SFSWAP: variants seen among roughly 807,000 people sequenced by gnomAD.
The protein encoded by SFSWAP is splicing factor, suppressor of white-apricot homolog.
In SFSWAP, 17 loss-of-function variants were observed where a neutral mutation model predicts 100.7. The ratio of observed to expected loss-of-function variants is 0.17; its 90% confidence interval spans 0.12 to 0.25. The LOEUF is 0.25. Ranked by LOEUF, SFSWAP falls within the 10% of genes least tolerant of loss-of-function variation. SFSWAP has a pLI of 1.00. For missense variants in SFSWAP, 1,005 were observed against 1,262.6 expected, an observed-to-expected ratio of 0.80 and a Z score of 3.09; for synonymous variants, 504 against 510.1, an observed-to-expected ratio of 0.99 and a Z score of 0.16.
At chr12:131,759,448 T>C (rs1272024299) in intron 11 of SFSWAP, among the ~76,000 whole-genome samples, 1 of 152,188 alleles carries the variant, frequency 6.6e-6, no homozygotes, top group Non-Finnish European at 1.5e-5. Flanking sequence ...TGGCAATCTG[T>C]AGACCACGAT....
At chr12:131,746,703 C>T (rs1881132883) in intron 7 of SFSWAP, among the ~76,000 whole-genome samples, 1 of 152,176 alleles carries the variant, frequency 6.6e-6, no homozygotes, top group South Asian at 2.1e-4. Context: ...TTTGCCTTCC[C>T]ATTTGACAGG....
intron 4 of SFSWAP, among the ~76,000 whole-genome samples, chr12:131,719,981 T>G (rs1878318562): frequency 6.6e-6 from 1 of 152,218 alleles, no homozygotes; most frequent in South Asian, 2.1e-4. Flanking sequence ...AGCAGTTTTC[T>G]GTGTTGTGAT....
intron 7 of SFSWAP, among the ~76,000 whole-genome samples, chr12:131,752,053 A>T (rs1011015233): frequency 3.3e-5 from 5 of 152,242 alleles, no homozygotes; most frequent in Non-Finnish European, 7.3e-5. Context: ...ATATGCCTAC[A>T]GCACATAGGA....
intron 7 of SFSWAP, among the ~76,000 whole-genome samples, chr12:131,741,202 G>A (rs1195583200): frequency 2.6e-5 from 4 of 151,878 alleles, no homozygotes; most frequent in East Asian, 1.9e-4. Context: ...TCCTGACCTC[G>A]TGATCCACCT....
chr12:131,737,031 T>C (rs1880094616), intron 7 of SFSWAP, among the ~76,000 whole-genome samples: 1 of 152,160 alleles, frequency 6.6e-6, no homozygotes, highest in African/African-American at 2.4e-5. Context: ...GCCACATAGA[T>C]ACTCATCATA....
At position 131,711,423 on chromosome 12, in the gene SFSWAP, G is replaced by C; in HGVS notation, c.194G>C (p.Gly65Ala). 1 of 1,613,514 alleles carries C rather than the reference G, an allele frequency of 6.2e-7. No individual in the cohort carries two copies. The highest frequency in any genetic ancestry group is 8.5e-7 in the Non-Finnish European group (1 of 1,179,972). The change falls in exon 1 of 18, where the codon GGG becomes GCG. Residue 65 changes from glycine (G) to alanine (A), a missense_variant. Physicochemically the swap from Gly to Ala is moderately conservative, Grantham distance 60. Coordinates refer to ENST00000261674, the MANE Select transcript of SFSWAP (RefSeq NM_004592.4). This position sits in a 1 kb window ranked among gnomAD's most constrained non-coding sequence, Gnocchi z 4.9. ...GGACAGCACCTCATCCCCTGGATGG[G>C]GGACCACAAGATCCTCATCGACAGG... ...EQGQHLIPWM[G>A]DHKILIDRYD...
chr12:131,739,838 C>T (rs1880434713), intron 7 of SFSWAP, among the ~76,000 whole-genome samples: 1 of 152,046 alleles, frequency 6.6e-6, no homozygotes, highest in South Asian at 2.1e-4. Flanking sequence ...CCACTGCGCC[C>T]AGCCCCCAGT....
rs759971909 is a variant in SFSWAP at position 131,714,282 on chromosome 12, A to C, written c.388+42A>C. On this transcript the variant is annotated intron_variant, in intron 2 of 17. Coordinates refer to ENST00000261674, the MANE Select transcript of SFSWAP (RefSeq NM_004592.4). This position sits in a 1 kb window ranked among gnomAD's most constrained non-coding sequence, Gnocchi z 6.0. Reference sequence around the variant, plus strand: ...ACTTACTTCAGCAACAAACTTTTTAAAATTTTTAAGTATTTAAAAATTTAC... The same window carrying C: ...ACTTACTTCAGCAACAAACTTTTTACAATTTTTAAGTATTTAAAAATTTAC... The C allele has an allele frequency of 2.3e-5, 35 of 1,527,694 alleles. No individual in the cohort carries two copies. Among genetic ancestry groups the C allele is most frequent in the Non-Finnish European group, 3.0e-5 (34 of 1,131,550 alleles). 94.6% of individuals were successfully genotyped at this position (1,527,694 alleles called of 1,614,324 possible).
intron 7 of SFSWAP, among the ~76,000 whole-genome samples, chr12:131,740,978 T>TTTTTTTTTTTTTG: frequency 7.3e-6 from 1 of 137,200 alleles, no homozygotes; most frequent in African/African-American, 2.7e-5. Context: ...TTTTTTTTTT[T>TTTTTTTTTTTTTG]TTTTTTTTTT....
At chr12:131,759,754 AC>A (rs1323654068) in intron 11 of SFSWAP, among the ~76,000 whole-genome samples, 9 of 151,842 alleles carry the variant, frequency 5.9e-5, no homozygotes, top group Non-Finnish European at 8.8e-5. Flanking sequence ...GTGAACCGAG[AC>A]TGCGCCACTG....
At chr12:131,746,325 G>A (rs549787927) in intron 7 of SFSWAP, among the ~76,000 whole-genome samples, 25 of 152,328 alleles carry the variant, frequency 1.6e-4, no homozygotes, top group Admixed American at 1.6e-3. Context: ...CAGCGTTGTT[G>A]CAGTGTAGAC....
Position 131,794,571 on chromosome 12 carries a change from C to A in SFSWAP, c.2535-2607C>A, listed in dbSNP as rs563267817. ...AAAACCAAGAAGCCAAACCAACAAA[C>A]AAACACAGACATAGCGTGGGGTTTG... On this transcript the variant is annotated intron_variant, in intron 15 of 17. Transcript: ENST00000261674. This position sits in a 1 kb window ranked among gnomAD's most constrained non-coding sequence, Gnocchi z 4.8. Among the ~76,000 whole-genome samples, 1 of 152,158 alleles carries A rather than the reference C, an allele frequency of 6.6e-6. No individual in the cohort carries two copies. The highest frequency in any genetic ancestry group is 2.4e-5 in the African/African-American group (1 of 41,430).
intron 5 of SFSWAP, 55 bp from the exon 6 acceptor site, chr12:131,726,885 T>C (rs1879028981): frequency 2.8e-6 from 3 of 1,074,676 alleles, no homozygotes; most frequent in Non-Finnish European, 4.2e-6. Context: ...CATAATTAAT[T>C]TGTACTTTTT....
intron 15 of SFSWAP, among the ~76,000 whole-genome samples, chr12:131,793,598 A>T (rs972061735): frequency 6.6e-6 from 1 of 152,142 alleles, no homozygotes; most frequent in Non-Finnish European, 1.5e-5. Context: ...TGATAAGAGG[A>T]AAAAACCAAT....
Position 131,797,339 on chromosome 12 carries a change from G to A in SFSWAP, c.2696G>A (p.Gly899Asp). 1 of 1,609,422 alleles carries A rather than the reference G, an allele frequency of 6.2e-7. No individual in the cohort carries two copies. Among genetic ancestry groups the A allele is most frequent in the East Asian group, 2.2e-5 (1 of 44,772 alleles). ...SASVSPVESRGSSQERSRGVS... is the reference protein window; with the variant it reads ...SASVSPVESRDSSQERSRGVS... Reference sequence around the variant, plus strand: ...AGCGTCTCCCCTGTGGAGAGTCGGGGCTCCAGCCAGGAGCGCTCCAGGTAA... The same window carrying A: ...AGCGTCTCCCCTGTGGAGAGTCGGGACTCCAGCCAGGAGCGCTCCAGGTAA... Residue 899 changes from glycine to aspartate, a missense_variant, in exon 16 of 18, where the codon GGC becomes GAC. By Grantham distance (94) the Gly-to-Asp change is moderately conservative (BLOSUM62 -1). This residue lies in a region of SFSWAP where 295 missense variants were observed against 347.9 expected (regional missense o/e 0.85). Transcript: ENST00000261674.
Position 131,714,311 on chromosome 12 carries a change from C to T in SFSWAP, c.388+71C>T, listed in dbSNP as rs1877682860. On this transcript the variant is annotated intron_variant, in intron 2 of 17. Coordinates refer to ENST00000261674, the MANE Select transcript of SFSWAP (RefSeq NM_004592.4). The surrounding 1 kb of genome is among the most constrained non-coding windows in gnomAD (Gnocchi z 6.0). ...TTTTAAGTATTTAAAAATTTACTCCCATTCATTTTTTTATACTCACTCTTT... is the reference window on the plus strand; with the variant it reads ...TTTTAAGTATTTAAAAATTTACTCCTATTCATTTTTTTATACTCACTCTTT... 3.8e-6 allele frequency: 5 copies of T among 1,331,144 alleles called. No homozygotes were observed. Among genetic ancestry groups the T allele is most frequent in the Non-Finnish European group, 5.2e-6 (5 of 965,918 alleles). The allele number at this position is 1,331,144 out of a possible 1,614,324, so 82.5% of individuals were successfully genotyped here.
chr12:131,711,261 C>A lies in SFSWAP; in HGVS notation c.32C>A (p.Pro11His). Residue 11 changes from proline to histidine, a missense_variant, in exon 1 of 18, where the codon CCC becomes CAC. Pro to His is a moderately conservative substitution (Grantham distance 77). Coordinates refer to ENST00000261674, the MANE Select transcript of SFSWAP (RefSeq NM_004592.4). This position sits in a 1 kb window ranked among gnomAD's most constrained non-coding sequence, Gnocchi z 4.9. ...GGCGCGAGCGGGGGCCGCGCCAAAC[C>A]CGAGAGGAAAAGCGGCGCGAAGGAG... Reference protein sequence around the residue: MYGASGGRAKPERKSGAKEEA... With the variant: MYGASGGRAKHERKSGAKEEA... 5 of 1,610,464 alleles carry A rather than the reference C, an allele frequency of 3.1e-6. No individual in the cohort carries two copies. The highest frequency in any genetic ancestry group is 4.2e-6 in the Non-Finnish European group (5 of 1,179,130).
intron 14 of SFSWAP, chr12:131,785,198 C>G (rs1176780772): frequency 3.3e-6 from 5 of 1,534,516 alleles, no homozygotes; most frequent in Non-Finnish European, 4.4e-6. Context: ...TCCGCGAGCT[C>G]TTTTGAGGGA....
chr12:131,732,349 C>A (rs927667956), intron 7 of SFSWAP, among the ~76,000 whole-genome samples: 9 of 152,224 alleles, frequency 5.9e-5, no homozygotes, highest in African/African-American at 2.2e-4. Context: ...GTACAGATCT[C>A]CCGAAGTTCC....
Sources: allele counts gnomAD v4.1 joint callset (sites outside exome capture counted in the v4.1 genomes callset), GRCh38; gene constraint gnomAD v4.1.1; regional missense constraint gnomAD v4.1.1; non-coding constraint Gnocchi (gnomAD v3.1); transcripts MANE v1.5; gene names NCBI Gene and HGNC (gene_info 2026-07-23, HGNC 2026-07-21).